MECOM: variants seen among roughly 807,000 people sequenced by gnomAD.
The protein encoded by MECOM is MDS1 and EVI1 complex locus.
Under a neutral mutation model 116.3 loss-of-function variants are expected in MECOM, and 13 were observed. That is an observed-to-expected ratio of 0.11 (90% CI 0.07 to 0.18). The LOEUF is 0.18. Among genes scored for constraint, MECOM ranks in the 10% least tolerant of loss-of-function variants. MECOM has a pLI of 1.00. For missense variants in MECOM, 1,299 were observed against 1,509.0 expected, an observed-to-expected ratio of 0.86 and a Z score of 2.31; for synonymous variants, 528 against 535.2, an observed-to-expected ratio of 0.99 and a Z score of 0.19.
chr3:169,327,883 T>A (rs1001714018), intron 2 of MECOM, among the ~76,000 whole-genome samples: 3 of 152,184 alleles, frequency 2.0e-5, no homozygotes, highest in African/African-American at 7.2e-5. Flanking sequence ...CTCCACACCT[T>A]CTTTGAAGCC....
intron 2 of MECOM, among the ~76,000 whole-genome samples, chr3:169,324,807 T>C (rs1721566715): frequency 1.3e-5 from 2 of 152,188 alleles, no homozygotes; most frequent in African/African-American, 4.8e-5. Flanking sequence ...CAGGAAGAAC[T>C]TGTTCTGACA....
intron 12 of MECOM, among the ~76,000 whole-genome samples, chr3:169,097,034 C>T (rs1721725641): frequency 1.3e-5 from 2 of 151,896 alleles, no homozygotes; most frequent in African/African-American, 4.8e-5. Flanking sequence ...CCTCCAAGGC[C>T]CACTGCAATG....
intron 1 of MECOM, among the ~76,000 whole-genome samples, chr3:169,621,679 C>G (rs1441869068): frequency 6.6e-6 from 1 of 152,136 alleles, no homozygotes; most frequent in Non-Finnish European, 1.5e-5. Context: ...ATTGCTTGAA[C>G]CCAGGGGGTG....
intron 1 of MECOM, among the ~76,000 whole-genome samples, chr3:169,413,126 G>A (rs1452013979): frequency 6.6e-6 from 1 of 152,336 alleles, no homozygotes; most frequent in South Asian, 2.1e-4. Context: ...CAGAAGGCAG[G>A]TGATTTCTGC....
chr3:169,556,270 A>G (rs1762017067), intron 1 of MECOM, among the ~76,000 whole-genome samples: 1 of 152,148 alleles, frequency 6.6e-6, no homozygotes. Flanking sequence ...CCACTGAATG[A>G]CTTTATTTCC....
chr3:169,554,250 T>TA lies in MECOM; in HGVS notation c.37+109085dup, dbSNP rs887580025. Reference sequence around the variant, plus strand: ...TCCCTGAAAATAGTGGGGCAGAACTTACAACTGTACCATTGACAGAGGCCT... The same window carrying TA: ...TCCCTGAAAATAGTGGGGCAGAACTTAACAACTGTACCATTGACAGAGGCCT... On this transcript the variant is annotated intron_variant, in intron 1 of 16. Coordinates refer to ENST00000651503, the MANE Select transcript of MECOM (RefSeq NM_004991.4). Among the ~76,000 whole-genome samples the TA allele has an allele frequency of 2.2e-4, 33 of 152,264 alleles. 1 individual carries two copies. Among genetic ancestry groups the TA allele is most frequent in the African/African-American group, 7.9e-4 (33 of 41,540 alleles).
At chr3:169,544,926 G>T (rs62295977) in intron 1 of MECOM, among the ~76,000 whole-genome samples, 3,259 of 152,184 alleles carry the variant, frequency 0.021, 64 homozygotes, top group Middle Eastern at 0.065. Context: ...TGCATGCAGG[G>T]CTTAAAACCT....
intron 2 of MECOM, among the ~76,000 whole-genome samples, chr3:169,349,856 A>G (rs1008476541): frequency 1.2e-4 from 18 of 152,056 alleles, no homozygotes; most frequent in African/African-American, 3.9e-4. Flanking sequence ...ACAACAATCC[A>G]AGTTAAAAAC....
chr3:169,549,037 G>T lies in MECOM; in HGVS notation c.37+114299C>A, dbSNP rs565493215. 1.7e-3 allele frequency among the ~76,000 whole-genome samples: 251 copies of T among 145,550 alleles called. 4 individuals carry two copies. The Middle Eastern group carries it at 0.018, about 11-fold the overall frequency. ...TGCCTAAGCTGGAGTGCAGTGGCAC[G>T]ATCTCAGCTCACTGCAACCTCCGCC... On this transcript the variant is annotated intron_variant, in intron 1 of 16. Coordinates refer to ENST00000651503, the MANE Select transcript of MECOM (RefSeq NM_004991.4).
chr3:169,421,291 T>C (rs1380711736), intron 1 of MECOM, among the ~76,000 whole-genome samples: 3 of 152,184 alleles, frequency 2.0e-5, no homozygotes, highest in Non-Finnish European at 4.4e-5. Flanking sequence ...CTTCTCACTT[T>C]TGTGAACACA....
intron 5 of MECOM, among the ~76,000 whole-genome samples, chr3:169,123,911 A>C (rs1577048547): frequency 6.6e-6 from 1 of 152,122 alleles, no homozygotes; most frequent in African/African-American, 2.4e-5. Context: ...GATGCAGGAA[A>C]GCCAAATCAT....
intron 1 of MECOM, among the ~76,000 whole-genome samples, chr3:169,610,048 A>G (rs1407618088): frequency 1.3e-5 from 2 of 152,122 alleles, no homozygotes. Flanking sequence ...TCTATTCTGA[A>G]CCCTTGGAAT....
At chr3:169,135,373 ATT>A in intron 3 of MECOM, among the ~76,000 whole-genome samples, 1 of 152,146 alleles carries the variant, frequency 6.6e-6, no homozygotes, top group East Asian at 1.9e-4. Flanking sequence ...CACTTAGAAA[ATT>A]TTGAGTTAAT....
intron 2 of MECOM, among the ~76,000 whole-genome samples, chr3:169,370,889 A>G (rs1373900763): frequency 6.6e-6 from 1 of 152,002 alleles, no homozygotes; most frequent in Non-Finnish European, 1.5e-5. Flanking sequence ...TGTGGAGAAA[A>G]GGGGCTCTTT....
intron 2 of MECOM, among the ~76,000 whole-genome samples, chr3:169,310,316 AGT>A (rs1177592819): frequency 6.6e-6 from 1 of 152,246 alleles, no homozygotes; most frequent in Non-Finnish European, 1.5e-5. Context: ...AAAAACACAC[AGT>A]CTCTGCCTTC....
intron 3 of MECOM, among the ~76,000 whole-genome samples, chr3:169,141,228 G>A (rs1738014929): frequency 6.6e-6 from 1 of 151,918 alleles, no homozygotes; most frequent in African/African-American, 2.4e-5. Flanking sequence ...TAGAGTCCAG[G>A]ATTTATACCT....
intron 2 of MECOM, among the ~76,000 whole-genome samples, chr3:169,177,999 GT>G (rs770019330): frequency 6.6e-6 from 1 of 152,044 alleles, no homozygotes; most frequent in Non-Finnish European, 1.5e-5. Flanking sequence ...GAAAGAACAG[GT>G]TTTGTAACTG....
At chr3:169,354,430 T>A (rs996123547) in intron 2 of MECOM, among the ~76,000 whole-genome samples, 6 of 151,960 alleles carry the variant, frequency 3.9e-5, no homozygotes, top group African/African-American at 1.4e-4. Context: ...CTTAATTTAC[T>A]AGTTCATAAT....
chr3:169,139,501 T>C (rs1737438325), intron 3 of MECOM, among the ~76,000 whole-genome samples: 1 of 152,094 alleles, frequency 6.6e-6, no homozygotes, highest in Non-Finnish European at 1.5e-5. Flanking sequence ...AAAGGCAGAT[T>C]TCATTTAAGT....
Sources: gnomAD v4.1 joint callset for allele counts (sites outside exome capture counted in the v4.1 genomes callset) on GRCh38, gnomAD v4.1.1 for gene constraint, MANE v1.5 for transcripts, NCBI Gene and HGNC (gene_info 2026-07-23, HGNC 2026-07-21) for gene names.